MVB12B: variants seen among roughly 807,000 people sequenced by gnomAD.
MVB12B encodes multivesicular body subunit 12B.
A neutral mutation model predicts 41.6 loss-of-function variants in MVB12B; 16 were observed. The observed-to-expected ratio is 0.38, with a 90% CI of 0.26 to 0.58. The LOEUF is 0.58. MVB12B is among the 20% of genes least tolerant of loss of function. MVB12B has a pLI of 0.62. For missense variants in MVB12B, 274 were observed against 380.2 expected (o/e 0.72, Z 2.32); for synonymous variants, 133 against 139.7 (o/e 0.95, Z 0.34).
chr9:126,339,602 A>T (rs1829381912), intron 1 of MVB12B, among the ~76,000 whole-genome samples: 1 of 152,160 alleles, frequency 6.6e-6, no homozygotes, highest in African/African-American at 2.4e-5. Flanking sequence ...CCTTTCTCTC[A>T]AAGTGCCCAG....
chr9:126,330,304 T>C (rs369624982), intron 1 of MVB12B, among the ~76,000 whole-genome samples: 6 of 148,190 alleles, frequency 4.0e-5, no homozygotes, highest in Non-Finnish European at 9.0e-5. Flanking sequence ...TTTCTTTCTT[T>C]ACACACACAC....
At chr9:126,357,126 C>A (rs904031153) in intron 2 of MVB12B, among the ~76,000 whole-genome samples, 4 of 152,072 alleles carry the variant, frequency 2.6e-5, no homozygotes, top group Admixed American at 6.5e-5. Flanking sequence ...TATGTAAATT[C>A]TTTATTTTGT....
Position 126,459,830 on chromosome 9 carries a change from G to A in MVB12B, c.758-21539G>A, listed in dbSNP as rs953666531. ...GGCCGCTTGTCTCACAGTCAGAATC[G>A]CCAGCTTCAGCCCACCCATCTCGAG... On this transcript the variant is annotated intron_variant, in intron 7 of 9. Coordinates refer to ENST00000361171, the MANE Select transcript of MVB12B (RefSeq NM_033446.3). The surrounding 1 kb of genome is among the most constrained non-coding windows in gnomAD (Gnocchi z 4.3). Among the ~76,000 whole-genome samples, 5 of 152,154 alleles carry A rather than the reference G, an allele frequency of 3.3e-5. No homozygotes were observed. The highest frequency in any genetic ancestry group is 7.4e-5 in the Non-Finnish European group (5 of 68,022).
At chr9:126,496,155 G>A (rs939027835) in intron 9 of MVB12B, among the ~76,000 whole-genome samples, 5 of 151,674 alleles carry the variant, frequency 3.3e-5, no homozygotes, top group Non-Finnish European at 7.4e-5. Flanking sequence ...CCCAGAGCCT[G>A]ATGTGTCTCT....
chr9:126,371,732 G>T (rs1040278717), intron 2 of MVB12B, among the ~76,000 whole-genome samples: 3 of 152,134 alleles, frequency 2.0e-5, no homozygotes, highest in Non-Finnish European at 2.9e-5. Context: ...CAAGGCATGG[G>T]GCTAGGTACT....
chr9:126,490,715 A>C (rs1833714420), intron 9 of MVB12B, among the ~76,000 whole-genome samples: 1 of 152,204 alleles, frequency 6.6e-6, no homozygotes, highest in Admixed American at 6.5e-5. Context: ...TCATTTAACC[A>C]CTTAATTGCC....
chr9:126,440,623 C>G (rs890223939), intron 7 of MVB12B, among the ~76,000 whole-genome samples: 2 of 152,124 alleles, frequency 1.3e-5, no homozygotes, highest in Non-Finnish European at 2.9e-5. Context: ...CCAGGCCCCA[C>G]TTCTAAACGT....
rs1830494066 is a variant in MVB12B at position 126,376,837 on chromosome 9, C to A, written c.205-4227C>A. Among the ~76,000 whole-genome samples, 2 of 152,118 alleles carry A rather than the reference C, an allele frequency of 1.3e-5. No individual in the cohort carries two copies. The highest frequency in any genetic ancestry group is 6.5e-5 in the Admixed American group (1 of 15,282). Reference sequence around the variant, plus strand: ...GATACACCTGAAACTGGGGTGGGCACCTGGGAGTCTAACCACTTTGTTTAT... The same window carrying A: ...GATACACCTGAAACTGGGGTGGGCAACTGGGAGTCTAACCACTTTGTTTAT... On this transcript the variant is annotated intron_variant, in intron 2 of 9. Transcript: ENST00000361171. This position sits in a 1 kb window ranked among gnomAD's most constrained non-coding sequence, Gnocchi z 4.1.
At chr9:126,423,522 T>C (rs1374263242) in intron 7 of MVB12B, among the ~76,000 whole-genome samples, 1 of 152,236 alleles carries the variant, frequency 6.6e-6, no homozygotes, top group Non-Finnish European at 1.5e-5. Context: ...GTTACATTTA[T>C]GTAAGTGGCA....
At position 126,340,529 on chromosome 9, in the gene MVB12B, G is replaced by C; in HGVS notation, c.103G>C (p.Val35Leu). ...CCAGGACCAGTCCACCATGCCTGAA[G>C]TCAAAGACCTCTCAGAAGCCTTGCC... ...RGTDQSTMPEVKDLSEALPET... is the reference protein window; with the variant it reads ...RGTDQSTMPELKDLSEALPET... Residue 35 changes from valine (V) to leucine (L), a missense_variant, in exon 2 of 10, where the codon GTC (valine) becomes CTC (leucine). Transcript: ENST00000361171. This position sits in a 1 kb window ranked among gnomAD's most constrained non-coding sequence, Gnocchi z 4.0. The C allele has an allele frequency of 6.2e-7, 1 of 1,614,146 alleles. No homozygotes were observed. The highest frequency in any genetic ancestry group is 8.5e-7 in the Non-Finnish European group (1 of 1,180,000).
chr9:126,395,467 C>T lies in MVB12B; in HGVS notation c.540-108C>T. 1 of 1,324,572 alleles carries T rather than the reference C, an allele frequency of 7.5e-7. No homozygotes were observed. The highest frequency in any genetic ancestry group is 1.9e-5 in the Admixed American group (1 of 51,380). The allele number at this position is 1,324,572 out of a possible 1,614,324, so 82.1% of individuals were successfully genotyped here. A position where few individuals can be genotyped will look rare whatever the true frequency, so the allele number is the denominator to read the frequency against. On this transcript the variant is annotated intron_variant, in intron 5 of 9. Coordinates refer to ENST00000361171, the MANE Select transcript of MVB12B (RefSeq NM_033446.3). The surrounding 1 kb of genome is among the most constrained non-coding windows in gnomAD (Gnocchi z 4.9). ...TTCACGTGGAGGGCAAGAATTGATT[C>T]CCTGGTGTTTGAGGCCATGACTCTT... is the stretch of plus-strand genomic sequence containing the variant.
intron 1 of MVB12B, among the ~76,000 whole-genome samples, chr9:126,332,042 T>C (rs977352222): frequency 2.0e-5 from 3 of 152,246 alleles, no homozygotes; most frequent in African/African-American, 7.2e-5. Flanking sequence ...TTTGTTTTCT[T>C]AAGCATTTTA....
intron 7 of MVB12B, among the ~76,000 whole-genome samples, chr9:126,465,408 G>A (rs1723387774): frequency 6.6e-6 from 1 of 152,106 alleles, no homozygotes; most frequent in African/African-American, 2.4e-5. Context: ...GGGGTGGCAG[G>A]CAGCAACAAT....
At chr9:126,494,673 G>T (rs1326942558) in intron 9 of MVB12B, among the ~76,000 whole-genome samples, 1 of 152,160 alleles carries the variant, frequency 6.6e-6, no homozygotes, top group African/African-American at 2.4e-5. Flanking sequence ...TAAGCATCAA[G>T]ACAAAGGGTG....
intron 9 of MVB12B, among the ~76,000 whole-genome samples, chr9:126,500,680 G>A (rs1588217063): frequency 2.0e-5 from 3 of 152,218 alleles, no homozygotes; most frequent in African/African-American, 7.2e-5. Context: ...CTGAGCCGGG[G>A]CTGATGGCCT....
chr9:126,419,834 C>T (rs1404433467), intron 6 of MVB12B, among the ~76,000 whole-genome samples: 1 of 152,174 alleles, frequency 6.6e-6, no homozygotes, highest in African/African-American at 2.4e-5. Context: ...AATCAGACTC[C>T]CCAAGGTCAG....
chr9:126,361,749 C>T (rs1050920033), intron 2 of MVB12B, among the ~76,000 whole-genome samples: 1 of 151,732 alleles, frequency 6.6e-6, no homozygotes, highest in Non-Finnish European at 1.5e-5. Context: ...AAAGATGTTG[C>T]TACAAATACA....
Position 126,376,818 on chromosome 9 carries a change from C to A in MVB12B, c.205-4246C>A, listed in dbSNP as rs1397851348. 6.6e-6 allele frequency among the ~76,000 whole-genome samples: 1 copy of A among 152,124 alleles called. No homozygotes were observed. The highest frequency in any genetic ancestry group is 1.5e-5 in the Non-Finnish European group (1 of 68,026). ...TGGGTTCCTTTCTGCAGAAGATACA[C>A]CTGAAACTGGGGTGGGCACCTGGGA... On this transcript the variant is annotated intron_variant, in intron 2 of 9. Coordinates refer to ENST00000361171, the MANE Select transcript of MVB12B (RefSeq NM_033446.3). This position sits in a 1 kb window ranked among gnomAD's most constrained non-coding sequence, Gnocchi z 4.1.
intron 8 of MVB12B, 44 bp downstream of exon 8, chr9:126,481,468 GC>G: frequency 1.4e-6 from 2 of 1,427,346 alleles, no homozygotes; most frequent in East Asian, 4.5e-5. Context: ...CCACCCCCCA[GC>G]CTGAGGTCCC....
Sources: gnomAD v4.1 joint callset for allele counts (sites outside exome capture counted in the v4.1 genomes callset) on GRCh38, gnomAD v4.1.1 for gene constraint, Gnocchi (gnomAD v3.1) non-coding constraint, MANE v1.5 for transcripts, NCBI Gene and HGNC (gene_info 2026-07-23, HGNC 2026-07-21) for gene names.